Variants in TMPRSS15 observed in about 807,000 individuals in gnomAD.
TMPRSS15 encodes the protein enteropeptidase.
Under a neutral mutation model 125.3 loss-of-function variants are expected in TMPRSS15, and 128 were observed. The observed-to-expected ratio is 1.02, with a 90% CI of 0.89 to 1.18. The LOEUF (loss-of-function observed/expected upper bound fraction) is 1.18. Among genes scored for constraint, TMPRSS15 ranks in the 50% most tolerant of loss-of-function variants. The pLI is 0.00. For missense variants in TMPRSS15, 1,283 were observed against 1,212.7 expected (o/e 1.06, Z -0.86); for synonymous variants, 446 against 423.2 (o/e 1.05, Z -0.66).
At chr21:18,271,501 T>C (rs529541217) in intron 24 of TMPRSS15, among the ~76,000 whole-genome samples, 5 of 152,292 alleles carry the variant, frequency 3.3e-5, no homozygotes, top group South Asian at 2.1e-4. Flanking sequence ...GTCTACCTGA[T>C]TGGGAGACCT....
At chr21:18,430,921 C>T (rs1365358635) in intron 1 of TMPRSS15, among the ~76,000 whole-genome samples, 1 of 152,164 alleles carries the variant, frequency 6.6e-6, no homozygotes, top group Non-Finnish European at 1.5e-5. Flanking sequence ...ATAAATTATA[C>T]AGCTTTTGTG....
At chr21:18,419,700 G>T (rs1208863607) in intron 1 of TMPRSS15, among the ~76,000 whole-genome samples, 2 of 152,140 alleles carry the variant, frequency 1.3e-5, no homozygotes, top group Non-Finnish European at 2.9e-5. Flanking sequence ...TGGTAGAAAA[G>T]TATCCTTCTC....
intron 13 of TMPRSS15, among the ~76,000 whole-genome samples, chr21:18,337,109 G>A (rs916174624): frequency 1.3e-5 from 2 of 152,188 alleles, no homozygotes; most frequent in African/African-American, 4.8e-5. Flanking sequence ...GGCGAGGCTG[G>A]TCTTGAATTA....
intron 17 of TMPRSS15, 95 bp from the exon 18 acceptor site, chr21:18,313,172 C>T: frequency 1.2e-6 from 1 of 832,724 alleles, no homozygotes; most frequent in Admixed American, 1.9e-5. Context: ...TTCATTTAGA[C>T]AGGAGGAATA....
At chr21:18,328,237 C>G (rs2075312094) in intron 15 of TMPRSS15, among the ~76,000 whole-genome samples, 1 of 151,972 alleles carries the variant, frequency 6.6e-6, no homozygotes, top group African/African-American at 2.4e-5. Context: ...CTCTCCCTAG[C>G]CTTATTTTAA....
intron 1 of TMPRSS15, among the ~76,000 whole-genome samples, chr21:18,479,612 T>C (rs1978942669): frequency 6.6e-6 from 1 of 151,882 alleles, no homozygotes; most frequent in South Asian, 2.1e-4. Flanking sequence ...AAGAAGACAT[T>C]TATGTGGCCC....
At position 18,382,879 on chromosome 21, in the gene TMPRSS15, A is replaced by G. The variant is rs557832813; in HGVS notation, c.496+748T>C. 7.2e-5 allele frequency among the ~76,000 whole-genome samples: 11 copies of G among 152,194 alleles called. No homozygotes were observed. In the South Asian group the frequency reaches 2.3e-3, roughly 32 times the overall value. Reference sequence around the variant, plus strand: ...ATGGAAAATTTGGAACAATCTAAGCATTTACAATCGTATTTTTTATTATTT... The same window carrying G: ...ATGGAAAATTTGGAACAATCTAAGCGTTTACAATCGTATTTTTTATTATTT... On this transcript the variant is annotated intron_variant, in intron 4 of 24. Transcript: ENST00000284885.
At chr21:18,441,335 G>A (rs954977441) in intron 1 of TMPRSS15, among the ~76,000 whole-genome samples, 10 of 146,874 alleles carry the variant, frequency 6.8e-5, no homozygotes, top group African/African-American at 2.5e-4. Context: ...GACCGGGCGT[G>A]GTGGCTCACA....
chr21:18,364,291 A>C (rs1458622158), intron 7 of TMPRSS15, among the ~76,000 whole-genome samples: 6 of 152,150 alleles, frequency 3.9e-5, no homozygotes, highest in African/African-American at 1.4e-4. Flanking sequence ...AACTAATTAG[A>C]ATATAATTTT....
chr21:18,477,115 C>A (rs1049824818), intron 1 of TMPRSS15, among the ~76,000 whole-genome samples: 3 of 152,064 alleles, frequency 2.0e-5, no homozygotes, highest in African/African-American at 7.2e-5. Flanking sequence ...TGACCAGTGG[C>A]TCTTAAAGTG....
chr21:18,352,780 A>T (rs1023834625), intron 10 of TMPRSS15, 123 bp downstream of exon 10: 42 of 1,025,412 alleles, frequency 4.1e-5, no homozygotes, highest in Non-Finnish European at 5.3e-5. Flanking sequence ...TTGAATTTTT[A>T]AAAAACCCAA....
chr21:18,272,408 TG>T lies in TMPRSS15; in HGVS notation c.2905-2285del, dbSNP rs1254604452. ...TTAATATTTCATTCTTCCACTGTCT[TG>T]GAGATATATGAGTACTTCAAAAATA... On this transcript the variant is annotated intron_variant, in intron 24 of 24. Transcript: ENST00000284885. Among the ~76,000 whole-genome samples the T allele has an allele frequency of 2.6e-4, 39 of 152,254 alleles. 2 individuals carry two copies. Among genetic ancestry groups the T allele is most frequent in the Middle Eastern group, 6.8e-3 (2 of 294 alleles).
intron 5 of TMPRSS15, among the ~76,000 whole-genome samples, chr21:18,374,953 T>C (rs1469641614): frequency 1.3e-5 from 2 of 152,150 alleles, no homozygotes; most frequent in Non-Finnish European, 2.9e-5. Flanking sequence ...AAAAGGCCAT[T>C]TGGGTTACTA....
chr21:18,479,400 C>A (rs1978938315), intron 1 of TMPRSS15, among the ~76,000 whole-genome samples: 1 of 151,848 alleles, frequency 6.6e-6, no homozygotes, highest in Non-Finnish European at 1.5e-5. Context: ...GACTGTCAGG[C>A]CATTGGTGAT....
intron 4 of TMPRSS15, 84 bp downstream of exon 4, chr21:18,383,543 A>G: frequency 6.7e-7 from 1 of 1,499,364 alleles, no homozygotes; most frequent in Non-Finnish European, 9.1e-7. Context: ...GTCAAGCATG[A>G]TTCCACTTCC....
chr21:18,306,932 G>A (rs2075045260), intron 18 of TMPRSS15, among the ~76,000 whole-genome samples: 1 of 152,110 alleles, frequency 6.6e-6, no homozygotes, highest in Admixed American at 6.5e-5. Flanking sequence ...AAAAAGGAAA[G>A]GCTAATGAAA....
chr21:18,444,696 G>T (rs1460352054), intron 1 of TMPRSS15, among the ~76,000 whole-genome samples: 1 of 151,752 alleles, frequency 6.6e-6, no homozygotes, highest in African/African-American at 2.4e-5. Context: ...ATTTCTTTTT[G>T]GTGAGAACAT....
intron 1 of TMPRSS15, among the ~76,000 whole-genome samples, chr21:18,449,671 C>T (rs758248136): frequency 2.0e-5 from 3 of 152,012 alleles, no homozygotes; most frequent in Non-Finnish European, 4.4e-5. Flanking sequence ...CAGTCAGTAC[C>T]TACCACATCT....
intron 8 of TMPRSS15, among the ~76,000 whole-genome samples, chr21:18,356,863 C>T (rs914223564): frequency 1.3e-5 from 2 of 151,768 alleles, no homozygotes; most frequent in African/African-American, 2.4e-5. Flanking sequence ...ATAGCTTTGG[C>T]TATAGCTATG....
Sources: gnomAD v4.1 joint callset for allele counts (sites outside exome capture counted in the v4.1 genomes callset) on GRCh38, gnomAD v4.1.1 for gene constraint, MANE v1.5 for transcripts, NCBI Gene and HGNC (gene_info 2026-07-23, HGNC 2026-07-21) for gene names.